PPARD: variants seen among roughly 807,000 people sequenced by gnomAD.
The protein encoded by PPARD is peroxisome proliferator activated receptor delta.
PPARD carries 6 observed loss-of-function variants against 39.5 expected under a neutral mutation model. The ratio of observed to expected loss-of-function variants is 0.15; its 90% confidence interval spans 0.08 to 0.30. The LOEUF (loss-of-function observed/expected upper bound fraction) is 0.30. Ranked by LOEUF, PPARD falls within the 10% of genes least tolerant of loss-of-function variation. The probability of loss-of-function intolerance (pLI) is 1.00; values close to 1 mark genes in which losing one functional copy is unlikely to be tolerated. For missense variants in PPARD, 397 were observed against 596.8 expected (o/e 0.67, Z 3.49); for synonymous variants, 210 against 231.3 (o/e 0.91, Z 0.83).
chr6:35,421,015 T>TG (rs1410517597), intron 4 of PPARD, among the ~76,000 whole-genome samples: 3 of 151,882 alleles, frequency 2.0e-5, no homozygotes, highest in Admixed American at 6.6e-5. Flanking sequence ...TTAGTAGAGA[T>TG]GGGGTTTCAC....
intron 2 of PPARD, chr6:35,397,375 A>G (rs549412456): frequency 2.7e-5 from 6 of 225,394 alleles, no homozygotes; most frequent in Admixed American, 2.0e-4. Flanking sequence ...ACCAACCCCA[A>G]CGTCACTTGG....
intron 2 of PPARD, among the ~76,000 whole-genome samples, chr6:35,406,466 A>T (rs1225702720): frequency 6.6e-6 from 1 of 152,206 alleles, no homozygotes; most frequent in African/African-American, 2.4e-5. Flanking sequence ...CAAGGAGGCC[A>T]TATGAAAATG....
chr6:35,386,749 GA>G (rs1763686553), intron 2 of PPARD, among the ~76,000 whole-genome samples: 1 of 152,080 alleles, frequency 6.6e-6, no homozygotes, highest in Admixed American at 6.5e-5. Flanking sequence ...CTGCTCTATA[GA>G]TGTGAGAGAC....
chr6:35,358,822 G>A (rs1761763600), intron 2 of PPARD, among the ~76,000 whole-genome samples: 1 of 152,148 alleles, frequency 6.6e-6, no homozygotes, highest in African/African-American at 2.4e-5. Flanking sequence ...TGTTTATTGT[G>A]TACCTCCTAT....
intron 2 of PPARD, among the ~76,000 whole-genome samples, chr6:35,407,051 G>A (rs1421841864): frequency 6.6e-6 from 1 of 152,196 alleles, no homozygotes; most frequent in Admixed American, 6.5e-5. Context: ...CATAGTGGGA[G>A]CTCAGTCAGC....
intron 2 of PPARD, among the ~76,000 whole-genome samples, chr6:35,389,522 A>G (rs1763889371): frequency 1.3e-5 from 2 of 152,142 alleles, no homozygotes; most frequent in Admixed American, 1.3e-4. Context: ...CATGTTGGCC[A>G]GGCTGATCTT....
intron 2 of PPARD, among the ~76,000 whole-genome samples, chr6:35,388,384 G>A (rs6940722): frequency 2.0e-5 from 3 of 152,084 alleles, no homozygotes; most frequent in South Asian, 2.1e-4. Flanking sequence ...GAGAGCTTCC[G>A]GGAAGGGGAT....
At chr6:35,364,356 T>C (rs996391548) in intron 2 of PPARD, among the ~76,000 whole-genome samples, 16 of 152,284 alleles carry the variant, frequency 1.1e-4, no homozygotes, top group African/African-American at 3.8e-4. Context: ...CAAGCTTTTG[T>C]GTGGACATAT....
At chr6:35,406,990 G>A (rs1765095502) in intron 2 of PPARD, among the ~76,000 whole-genome samples, 1 of 152,128 alleles carries the variant, frequency 6.6e-6, no homozygotes, top group South Asian at 2.1e-4. Context: ...CTGCAAGGGG[G>A]GCCTATAAGG....
At chr6:35,351,274 G>A (rs762785171) in intron 2 of PPARD, among the ~76,000 whole-genome samples, 4 of 150,156 alleles carry the variant, frequency 2.7e-5, no homozygotes, top group African/African-American at 4.9e-5. Context: ...ATTCACCCGC[G>A]TCGGCCTCCC....
intron 2 of PPARD, among the ~76,000 whole-genome samples, chr6:35,355,045 G>A (rs1412425242): frequency 6.6e-6 from 1 of 152,166 alleles, no homozygotes; most frequent in South Asian, 2.1e-4. Flanking sequence ...GGGTTCTGAG[G>A]GGGTGAGCCC....
At chr6:35,408,096 C>T (rs755516717) in intron 2 of PPARD, among the ~76,000 whole-genome samples, 1 of 152,178 alleles carries the variant, frequency 6.6e-6, no homozygotes, top group African/African-American at 2.4e-5. Flanking sequence ...CAGGTGCTTT[C>T]GGACTTTTCA....
chr6:35,355,592 CTTCTTCTTTTTTT>C (rs1761539909), intron 2 of PPARD, among the ~76,000 whole-genome samples: 4 of 49,378 alleles, frequency 8.1e-5, no homozygotes, highest in African/African-American at 1.1e-4. Flanking sequence ...CTTTCTTCTT[CTTCTTCTTTTTTT>C]TTTTTTTTTT....
chr6:35,349,902 C>T (rs1206986543), intron 2 of PPARD, among the ~76,000 whole-genome samples: 1 of 151,904 alleles, frequency 6.6e-6, no homozygotes, highest in Non-Finnish European at 1.5e-5. Context: ...CCACCACGCC[C>T]AGCTAATTTT....
chr6:35,383,835 G>A (rs2150602010), intron 2 of PPARD, among the ~76,000 whole-genome samples: 1 of 146,866 alleles, frequency 6.8e-6, no homozygotes, highest in African/African-American at 2.7e-5. Flanking sequence ...CCACCCGGCA[G>A]CTGCCCCGTC....
intron 2 of PPARD, among the ~76,000 whole-genome samples, chr6:35,364,712 T>C (rs2150509197): frequency 6.7e-6 from 1 of 150,270 alleles, no homozygotes; most frequent in African/African-American, 2.5e-5. Context: ...TGTTACTCTT[T>C]GTTTTTTGTT....
At chr6:35,419,414 A>G (rs1428559894) in intron 3 of PPARD, among the ~76,000 whole-genome samples, 1 of 152,206 alleles carries the variant, frequency 6.6e-6, no homozygotes, top group Non-Finnish European at 1.5e-5. Context: ...TAGCCTTAGC[A>G]AACTGCCTTT....
chr6:35,384,797 GGCCCCGCCCGGCCAGCC>G lies in PPARD; in HGVS notation c.-101-26183_-101-26167del, dbSNP rs1315069631. Reference sequence around the variant, plus strand: ...ATCCGGGAGGGAGGTGGGGGGGTCAGGCCCCGCCCGGCCAGCCGCCCCGTCCGGGAGGGAGGTGGGGG... The same window carrying G: ...ATCCGGGAGGGAGGTGGGGGGGTCAGGCCCCGTCCGGGAGGGAGGTGGGGG... On this transcript the variant is annotated intron_variant, in intron 2 of 7. Coordinates refer to ENST00000360694, the MANE Select transcript of PPARD (RefSeq NM_006238.5). 1.3e-3 allele frequency among the ~76,000 whole-genome samples: 56 copies of G among 43,180 alleles called. 2 individuals carry two copies. Among genetic ancestry groups the G allele is most frequent in the African/African-American group, 5.2e-3 (31 of 5,974 alleles). 28.3% of individuals were successfully genotyped at this position (43,180 alleles called of 152,430 possible).
intron 3 of PPARD, 46 bp downstream of exon 3, chr6:35,411,263 C>T: frequency 7.0e-7 from 1 of 1,431,768 alleles, no homozygotes; most frequent in Non-Finnish European, 9.2e-7. Context: ...GAGGCACAGC[C>T]CAGTGCAGTG....
Sources: allele counts gnomAD v4.1 joint callset (sites outside exome capture counted in the v4.1 genomes callset), GRCh38; gene constraint gnomAD v4.1.1; transcripts MANE v1.5; gene names NCBI Gene and HGNC (gene_info 2026-07-23, HGNC 2026-07-21).